Variants in DOK6 observed in about 807,000 individuals in gnomAD.
DOK6 encodes downstream of tyrosine kinase 6.
In DOK6, 22 loss-of-function variants were observed where a neutral mutation model predicts 44.0. That is an observed-to-expected ratio of 0.50 (90% CI 0.36 to 0.71). DOK6 has a LOEUF of 0.71. Ranked by LOEUF, DOK6 falls within the 30% of genes least tolerant of loss-of-function variation. The pLI, the probability that DOK6 is intolerant of heterozygous loss-of-function variation, is 0.00. For missense variants in DOK6, 340 were observed against 416.4 expected (o/e 0.82, Z 1.60); for synonymous variants, 166 against 145.5 (o/e 1.14, Z -1.01).
At chr18:69,438,730 TC>T (rs1979053284) in intron 1 of DOK6, among the ~76,000 whole-genome samples, 1 of 152,180 alleles carries the variant, frequency 6.6e-6, no homozygotes, top group South Asian at 2.1e-4. Context: ...TCTAAATGAC[TC>T]CTTGACTCAT....
At chr18:69,833,102 C>T (rs977478946) in intron 7 of DOK6, among the ~76,000 whole-genome samples, 2 of 152,070 alleles carry the variant, frequency 1.3e-5, no homozygotes, top group Non-Finnish European at 2.9e-5. Context: ...CCCCAAATAA[C>T]GAAAGCTATC....
At chr18:69,623,498 G>T (rs759525485) in intron 3 of DOK6, among the ~76,000 whole-genome samples, 1 of 152,120 alleles carries the variant, frequency 6.6e-6, no homozygotes, top group Non-Finnish European at 1.5e-5. Flanking sequence ...CATCTATATT[G>T]TCTGGATGAA....
At chr18:69,629,383 T>A (rs1480776207) in intron 3 of DOK6, among the ~76,000 whole-genome samples, 1 of 152,220 alleles carries the variant, frequency 6.6e-6, no homozygotes, top group Non-Finnish European at 1.5e-5. Flanking sequence ...TCAATGGCCA[T>A]GAATTATGCT....
At chr18:69,539,953 A>G (rs1982225683) in intron 1 of DOK6, among the ~76,000 whole-genome samples, 1 of 152,194 alleles carries the variant, frequency 6.6e-6, no homozygotes, top group Non-Finnish European at 1.5e-5. Flanking sequence ...GAAATTTACA[A>G]TCATGGCAGT....
At chr18:69,736,396 A>G (rs1196692967) in intron 5 of DOK6, among the ~76,000 whole-genome samples, 1 of 152,196 alleles carries the variant, frequency 6.6e-6, no homozygotes, top group African/African-American at 2.4e-5. Flanking sequence ...AGGCCCTAGA[A>G]TATTCCTCAG....
At chr18:69,777,066 A>G (rs1347578955) in intron 7 of DOK6, among the ~76,000 whole-genome samples, 1 of 151,616 alleles carries the variant, frequency 6.6e-6, no homozygotes, top group South Asian at 2.1e-4. Context: ...TGGGTGCAGC[A>G]CACCAGCATG....
intron 1 of DOK6, among the ~76,000 whole-genome samples, chr18:69,494,744 A>C (rs1363304325): frequency 1.3e-5 from 2 of 152,332 alleles, no homozygotes; most frequent in East Asian, 3.9e-4. Context: ...TTTTCTCAAA[A>C]ACTTAAATGA....
intron 5 of DOK6, among the ~76,000 whole-genome samples, chr18:69,715,709 T>C (rs949909852): frequency 2.0e-5 from 3 of 152,228 alleles, no homozygotes; most frequent in African/African-American, 7.2e-5. Flanking sequence ...GCTCCATTAC[T>C]CTGGAAAGAG....
At chr18:69,655,474 TG>T (rs1187592586) in intron 3 of DOK6, among the ~76,000 whole-genome samples, 1 of 152,020 alleles carries the variant, frequency 6.6e-6, no homozygotes, top group Non-Finnish European at 1.5e-5. Flanking sequence ...GCACAAAGGT[TG>T]GGCGCGGTGG....
intron 1 of DOK6, among the ~76,000 whole-genome samples, chr18:69,411,177 C>T (rs1289963824): frequency 6.6e-6 from 1 of 152,048 alleles, no homozygotes; most frequent in East Asian, 1.9e-4. Context: ...TTAAAAAGTT[C>T]TATGCATAAG....
intron 2 of DOK6, among the ~76,000 whole-genome samples, chr18:69,575,932 G>A (rs1028998619): frequency 1.3e-5 from 2 of 152,134 alleles, no homozygotes; most frequent in East Asian, 3.9e-4. Context: ...TAGACAATCA[G>A]CCATCAAGGC....
intron 7 of DOK6, among the ~76,000 whole-genome samples, chr18:69,802,328 G>A (rs944736909): frequency 5.9e-5 from 9 of 152,066 alleles, no homozygotes; most frequent in Non-Finnish European, 1.3e-4. Flanking sequence ...CATTCGGTAC[G>A]CTCCTTGACT....
intron 1 of DOK6, among the ~76,000 whole-genome samples, chr18:69,522,214 A>C (rs964593764): frequency 5.3e-5 from 8 of 151,894 alleles, no homozygotes; most frequent in African/African-American, 1.9e-4. Context: ...CAAACCACAC[A>C]CACACACACC....
intron 7 of DOK6, among the ~76,000 whole-genome samples, chr18:69,786,728 G>C (rs536746588): frequency 1.3e-5 from 2 of 152,332 alleles, no homozygotes; most frequent in South Asian, 4.1e-4. Context: ...ACTGTGATCA[G>C]TAAAACACTG....
chr18:69,771,431 A>G (rs1327374097), intron 7 of DOK6, among the ~76,000 whole-genome samples: 1 of 152,050 alleles, frequency 6.6e-6, no homozygotes, highest in Non-Finnish European at 1.5e-5. Context: ...AGCATGCTGT[A>G]CCTTATCCTT....
intron 3 of DOK6, among the ~76,000 whole-genome samples, chr18:69,603,656 A>G (rs1320809157): frequency 6.6e-6 from 1 of 151,428 alleles, no homozygotes; most frequent in Non-Finnish European, 1.5e-5. Flanking sequence ...CTGTAGTCCC[A>G]CATACGTGAG....
At chr18:69,747,328 T>G (rs1479109578) in intron 6 of DOK6, among the ~76,000 whole-genome samples, 1 of 152,116 alleles carries the variant, frequency 6.6e-6, no homozygotes, top group Non-Finnish European at 1.5e-5. Context: ...ACAAATGAAT[T>G]TTATGTAAAT....
chr18:69,518,994 T>C (rs553128283), intron 1 of DOK6, among the ~76,000 whole-genome samples: 1 of 152,210 alleles, frequency 6.6e-6, no homozygotes, highest in South Asian at 2.1e-4. Context: ...TGGAAAATCT[T>C]TCTTACGCTC....
intron 2 of DOK6, 41 bp downstream of exon 2, chr18:69,564,635 C>A: frequency 1.3e-6 from 2 of 1,489,136 alleles, no homozygotes; most frequent in Admixed American, 1.9e-5. Flanking sequence ...ATAACTGGGC[C>A]CTTGAAGACT....
Sources: gnomAD v4.1 joint callset for allele counts (sites outside exome capture counted in the v4.1 genomes callset) on GRCh38, gnomAD v4.1.1 for gene constraint, MANE v1.5 for transcripts, NCBI Gene and HGNC (gene_info 2026-07-23, HGNC 2026-07-21) for gene names.